The following IP6K1 variants were observed in gnomAD, a reference collection of about 807,000 sequenced individuals.
The protein encoded by IP6K1 is ATP:1D-myo-inositol-hexakisphosphate phosphotransferase.
IP6K1 carries 13 observed loss-of-function variants against 38.3 expected under a neutral mutation model. The ratio of observed to expected loss-of-function variants is 0.34; its 90% confidence interval spans 0.22 to 0.54. The LOEUF is 0.54. Among genes scored for constraint, IP6K1 ranks in the 20% least tolerant of loss-of-function variants. The probability of loss-of-function intolerance (pLI) is 0.92; values close to 1 mark genes in which losing one functional copy is unlikely to be tolerated. For synonymous variants in IP6K1, 212 were observed against 229.9 expected, an observed-to-expected ratio of 0.92 and a Z score of 0.70; for missense variants, 397 against 599.8, an observed-to-expected ratio of 0.66 and a Z score of 3.53.
intron 2 of IP6K1, among the ~76,000 whole-genome samples, chr3:49,744,569 T>C (rs1394569903): frequency 6.6e-6 from 1 of 152,180 alleles, no homozygotes; most frequent in African/African-American, 2.4e-5. Flanking sequence ...ACTTCTGACA[T>C]GATTTTTGAC....
intron 1 of IP6K1, among the ~76,000 whole-genome samples, chr3:49,783,933 T>C (rs576387451): frequency 5.1e-4 from 77 of 152,262 alleles, no homozygotes; most frequent in Admixed American, 1.0e-3. Flanking sequence ...GCCAGCGTCC[T>C]CTGGGTTCAG....
rs144719330 is a variant in IP6K1 at position 49,747,495 on chromosome 3, G to A, written c.223+323C>T. On this transcript the variant is annotated intron_variant, in intron 2 of 5. Transcript: ENST00000321599. ...ACCTGGAAGTATCCATTCCGCCTCC[G>A]GGACGAGAGAAATGTTCCCTCTTCT... is the stretch of plus-strand genomic sequence containing the variant. Among the ~76,000 whole-genome samples the A allele has an allele frequency of 2.8e-3, 422 of 152,136 alleles. 4 individuals are homozygous for A. Among genetic ancestry groups the A allele is most frequent in the African/African-American group, 6.8e-3 (282 of 41,496 alleles).
chr3:49,775,755 T>TC (rs1456631262), intron 1 of IP6K1: 1 of 320,136 alleles, frequency 3.1e-6, no homozygotes, highest in Non-Finnish European at 5.7e-6. Flanking sequence ...TTACCAACCC[T>TC]CCCCTCCCTT....
chr3:49,764,878 A>G (rs925849676), intron 1 of IP6K1, among the ~76,000 whole-genome samples: 1 of 143,974 alleles, frequency 6.9e-6, no homozygotes, highest in Non-Finnish European at 1.5e-5. Context: ...CTCTGTCTTG[A>G]AAAAAAAAAA....
At chr3:49,749,101 G>C (rs2080749275) in intron 1 of IP6K1, among the ~76,000 whole-genome samples, 1 of 152,210 alleles carries the variant, frequency 6.6e-6, no homozygotes, top group African/African-American at 2.4e-5. Context: ...AGCAAGGGGA[G>C]CAGCTGTAAA....
chr3:49,765,587 T>C (rs1052236361), intron 1 of IP6K1, among the ~76,000 whole-genome samples: 7 of 143,758 alleles, frequency 4.9e-5, no homozygotes, highest in Admixed American at 2.1e-4. Context: ...GAATCAGAGG[T>C]TGCAGGGAGC....
At position 49,726,958 on chromosome 3, in the gene IP6K1, TA is replaced by T; in HGVS notation, c.*163del. ...GCGTGTGGTCTGCCCTCCTTCACTT[TA>T]TATATATGGATTCCAGGCTACAGCT... is the stretch of plus-strand genomic sequence containing the variant. On this transcript the variant is annotated 3_prime_UTR_variant, in exon 6 of 6. Coordinates refer to ENST00000321599, the MANE Select transcript of IP6K1 (RefSeq NM_153273.4). The T allele has an allele frequency of 1.4e-6, 1 of 715,924 alleles. No individual in the cohort carries two copies. The highest frequency in any genetic ancestry group is 4.1e-4 in the Middle Eastern group (1 of 2,458). 44.3% of individuals were successfully genotyped at this position (715,924 alleles called of 1,614,324 possible). A position where few individuals can be genotyped will look rare whatever the true frequency, so the allele number is the denominator to read the frequency against.
At chr3:49,758,838 T>C (rs2080845909) in intron 1 of IP6K1, among the ~76,000 whole-genome samples, 1 of 151,896 alleles carries the variant, frequency 6.6e-6, no homozygotes, top group Non-Finnish European at 1.5e-5. Flanking sequence ...CGCATGTCTG[T>C]AATCCCAGCT....
intron 2 of IP6K1, among the ~76,000 whole-genome samples, 185 bp downstream of exon 2, chr3:49,747,628 AAATTC>A (rs1417666218): frequency 6.6e-6 from 1 of 152,224 alleles, no homozygotes; most frequent in African/African-American, 2.4e-5. Context: ...ACCTATTAAT[AAATTC>A]AATTTTCAAG....
At chr3:49,782,947 TAAA>T (rs751486214) in intron 1 of IP6K1, among the ~76,000 whole-genome samples, 8 of 60,146 alleles carry the variant, frequency 1.3e-4, no homozygotes, top group Non-Finnish European at 6.7e-5. Flanking sequence ...CCGGCTCTAC[TAAA>T]AAAAAAAAAA....
intron 4 of IP6K1, chr3:49,728,509 G>A (rs1456594538): frequency 4.2e-6 from 2 of 478,766 alleles, no homozygotes; most frequent in Non-Finnish European, 7.3e-6. Flanking sequence ...TCAGTGGCAT[G>A]AAGTACATTT....
In IP6K1 at chr3:49,756,453, G is replaced by A. The variant is rs77111792; in HGVS notation, c.-128-8285C>T. ...AAATGTACTAAGAAGTGGGGGAAAGGAGATATGTGAAGAATTTTCAGAACT... is the reference window on the plus strand; with the variant it reads ...AAATGTACTAAGAAGTGGGGGAAAGAAGATATGTGAAGAATTTTCAGAACT... On this transcript the variant is annotated intron_variant, in intron 1 of 5. Coordinates refer to ENST00000321599, the MANE Select transcript of IP6K1 (RefSeq NM_153273.4). Among the ~76,000 whole-genome samples the A allele has an allele frequency of 2.6e-3, 397 of 152,266 alleles. 7 individuals carry two copies. In the South Asian group the frequency reaches 0.038, roughly 15 times the overall value.
chr3:49,752,756 C>CA (rs1559708959), intron 1 of IP6K1, among the ~76,000 whole-genome samples: 3 of 136,598 alleles, frequency 2.2e-5, no homozygotes, highest in Non-Finnish European at 4.8e-5. Flanking sequence ...TGCGCCTAGC[C>CA]TTTTTTTTTT....
intron 3 of IP6K1, among the ~76,000 whole-genome samples, chr3:49,733,737 G>A (rs779921113): frequency 2.0e-5 from 3 of 152,226 alleles, no homozygotes; most frequent in Non-Finnish European, 2.9e-5. Flanking sequence ...TGGTTGCCAT[G>A]GGCTGGGGGA....
At chr3:49,780,395 G>C (rs2081055443) in intron 1 of IP6K1, among the ~76,000 whole-genome samples, 1 of 146,320 alleles carries the variant, frequency 6.8e-6, no homozygotes, top group African/African-American at 2.5e-5. Flanking sequence ...TGTAGTAGGA[G>C]AAATGAAAAC....
chr3:49,781,857 A>G (rs1013112005), intron 1 of IP6K1, among the ~76,000 whole-genome samples: 1 of 151,972 alleles, frequency 6.6e-6, no homozygotes, highest in African/African-American at 2.4e-5. Flanking sequence ...CCGAGGTGGG[A>G]GGATCACTCA....
At chr3:49,770,262 G>A (rs986942674) in intron 1 of IP6K1, among the ~76,000 whole-genome samples, 4 of 152,182 alleles carry the variant, frequency 2.6e-5, no homozygotes, top group African/African-American at 9.7e-5. Flanking sequence ...TTGTTACAGA[G>A]CAATAGATAA....
At chr3:49,747,783 GGCT>G (rs2080734256) in intron 2 of IP6K1, 32 bp downstream of exon 2, 3 of 1,613,404 alleles carry the variant, frequency 1.9e-6, no homozygotes, top group Admixed American at 1.7e-5. Flanking sequence ...ATAAGCCCAA[GGCT>G]GCTGCTTTCA....
At position 49,727,087 on chromosome 3, in the gene IP6K1, G is replaced by A. The variant is rs2080512340; in HGVS notation, c.*35C>T. 1.3e-6 allele frequency: 2 copies of A among 1,543,866 alleles called. No homozygotes were observed. The highest frequency in any genetic ancestry group is 1.9e-5 in the Admixed American group (1 of 51,834). On this transcript the variant is annotated 3_prime_UTR_variant, in exon 6 of 6. Coordinates refer to ENST00000321599, the MANE Select transcript of IP6K1 (RefSeq NM_153273.4). The surrounding 1 kb of genome is among the most constrained non-coding windows in gnomAD (Gnocchi z 5.9). ...CAGAACAATGGTCCCTGCCTGCAGT[G>A]GAGAGGAAGGGGTTCTGGGGGCCCA...
Sources: gnomAD v4.1 joint callset for allele counts (sites outside exome capture counted in the v4.1 genomes callset) on GRCh38, gnomAD v4.1.1 for gene constraint, Gnocchi (gnomAD v3.1) non-coding constraint, MANE v1.5 for transcripts, NCBI Gene and HGNC (gene_info 2026-07-23, HGNC 2026-07-21) for gene names.